Variants in SLC24A2 observed in about 807,000 individuals in gnomAD.
SLC24A2 encodes solute carrier family 24 member 2, also known as sodium/potassium/calcium exchanger 2.
SLC24A2 carries 36 observed loss-of-function variants against 62.0 expected under a neutral mutation model. The ratio of observed to expected loss-of-function variants is 0.58; its 90% confidence interval spans 0.44 to 0.77. The LOEUF (loss-of-function observed/expected upper bound fraction) is 0.77, where lower values mean the gene tolerates loss of function less well. Among genes scored for constraint, SLC24A2 ranks in the 30% least tolerant of loss-of-function variants. The pLI is 0.00. For synonymous variants in SLC24A2, 358 were observed against 294.0 expected, an observed-to-expected ratio of 1.22 and a Z score of -2.23; for missense variants, 846 against 817.9, an observed-to-expected ratio of 1.03 and a Z score of -0.42.
At chr9:20,184,224 C>T in the SLC24A2 span, among the ~76,000 whole-genome samples, 1 of 152,288 alleles carries the variant, frequency 6.6e-6, no homozygotes, top group Admixed American at 6.5e-5. Flanking sequence ...GAGATATTAC[C>T]TCATACCTGT....
chr9:20,121,309 G>T, the SLC24A2 span, among the ~76,000 whole-genome samples: 1 of 151,558 alleles, frequency 6.6e-6, no homozygotes. Flanking sequence ...AATATAATGT[G>T]GTTTTCAGTG....
At chr9:19,718,458 A>ATTTTT (rs58736549) in intron 2 of SLC24A2, among the ~76,000 whole-genome samples, 2 of 99,796 alleles carry the variant, frequency 2.0e-5, no homozygotes. Context: ...ATGCCTGGCT[A>ATTTTT]TTTTTTTTTT....
At chr9:20,258,654 T>C in the SLC24A2 span, among the ~76,000 whole-genome samples, 9 of 152,176 alleles carry the variant, frequency 5.9e-5, no homozygotes. Context: ...AATTTCACCA[T>C]GAAGCCACGC....
chr9:20,294,523 C>T, the SLC24A2 span, among the ~76,000 whole-genome samples: 1 of 152,122 alleles, frequency 6.6e-6, no homozygotes, highest in Admixed American at 6.5e-5. Flanking sequence ...TCCCTCAAAG[C>T]CCCAGTTCTT....
upstream of SLC24A2, among the ~76,000 whole-genome samples, chr9:19,791,685 G>C (rs901987611): frequency 4.6e-5 from 7 of 152,184 alleles, no homozygotes; most frequent in Non-Finnish European, 1.0e-4. Flanking sequence ...ACAACTGTAG[G>C]TCTCCCAGAT....
At chr9:19,953,014 T>C in the SLC24A2 span, among the ~76,000 whole-genome samples, 1 of 152,018 alleles carries the variant, frequency 6.6e-6, no homozygotes, top group African/African-American at 2.4e-5. Context: ...GATCAAATAC[T>C]TGGGTCATTT....
At chr9:20,047,546 A>G in the SLC24A2 span, among the ~76,000 whole-genome samples, 3 of 146,358 alleles carry the variant, frequency 2.0e-5, no homozygotes, top group Non-Finnish European at 4.6e-5. Flanking sequence ...TGAAGGCTGG[A>G]AAGTCCAAGA....
the SLC24A2 span, among the ~76,000 whole-genome samples, chr9:20,106,030 C>T: frequency 1.3e-5 from 2 of 152,246 alleles, no homozygotes; most frequent in South Asian, 4.1e-4. Flanking sequence ...CCACTGATCC[C>T]ACAGAAATAC....
At chr9:19,595,648 T>C (rs1403607799) in intron 5 of SLC24A2, among the ~76,000 whole-genome samples, 1 of 151,970 alleles carries the variant, frequency 6.6e-6, no homozygotes, top group African/African-American at 2.4e-5. Context: ...AATTGTCTGG[T>C]GTAGGGAGGA....
At chr9:20,274,498 G>A in the SLC24A2 span, among the ~76,000 whole-genome samples, 1 of 152,094 alleles carries the variant, frequency 6.6e-6, no homozygotes, top group South Asian at 2.1e-4. Context: ...CTTTTGAGGT[G>A]CAAGGGAAAA....
At chr9:19,920,626 T>C in the SLC24A2 span, among the ~76,000 whole-genome samples, 163 of 152,226 alleles carry the variant, frequency 1.1e-3, 1 homozygote, top group African/African-American at 3.8e-3. Flanking sequence ...AGTGAGCTGG[T>C]ATTTATCTGC....
the SLC24A2 span, among the ~76,000 whole-genome samples, chr9:19,949,574 T>C: frequency 6.6e-6 from 1 of 152,240 alleles, no homozygotes; most frequent in African/African-American, 2.4e-5. Context: ...GAGTTTTATC[T>C]GAGTGGCTGT....
chr9:20,043,660 T>C, the SLC24A2 span, among the ~76,000 whole-genome samples: 4 of 152,286 alleles, frequency 2.6e-5, no homozygotes, highest in South Asian at 4.1e-4. Flanking sequence ...GAACTTGAAT[T>C]AGAAGTGAAA....
intron 8 of SLC24A2, among the ~76,000 whole-genome samples, chr9:19,529,374 A>G (rs1486820924): frequency 6.6e-6 from 1 of 152,212 alleles, no homozygotes; most frequent in Non-Finnish European, 1.5e-5. Flanking sequence ...TGATGAACAC[A>G]GTCTCTATTG....
Position 19,551,979 on chromosome 9 carries a change from A to T in SLC24A2, c.1348-1711T>A, listed in dbSNP as rs185732063. Among the ~76,000 whole-genome samples, 545 of 152,326 alleles carry T rather than the reference A, an allele frequency of 3.6e-3. 2 individuals carry two copies. The highest frequency in any genetic ancestry group is 5.5e-3 in the Non-Finnish European group (373 of 68,028). On this transcript the variant is annotated intron_variant, in intron 7 of 10. Coordinates refer to ENST00000341998, the MANE Select transcript of SLC24A2 (RefSeq NM_020344.4). ...GGGTATATGTCCTTGGCAGTGGGTA[A>T]AAGAATTTGTAAACAGCAAATATGG...
chr9:20,187,930 T>G, the SLC24A2 span, among the ~76,000 whole-genome samples: 12 of 152,220 alleles, frequency 7.9e-5, no homozygotes, highest in Admixed American at 7.9e-4. Flanking sequence ...CATGAAAATG[T>G]GGAAAGTCTG....
At chr9:19,596,310 C>T (rs147937412) in intron 5 of SLC24A2, among the ~76,000 whole-genome samples, 109 of 152,322 alleles carry the variant, frequency 7.2e-4, no homozygotes, top group Non-Finnish European at 1.2e-3. Flanking sequence ...ACTGATTCCT[C>T]TGTGAGGGTA....
the SLC24A2 span, among the ~76,000 whole-genome samples, chr9:20,043,594 G>C: frequency 6.6e-6 from 1 of 152,336 alleles, no homozygotes; most frequent in East Asian, 1.9e-4. Context: ...AGATGACCTT[G>C]AGAGGTTTAA....
At chr9:19,959,235 C>T in the SLC24A2 span, among the ~76,000 whole-genome samples, 3 of 152,136 alleles carry the variant, frequency 2.0e-5, no homozygotes, top group African/African-American at 7.2e-5. Context: ...GAAGAAAAGA[C>T]AATGTACAAA....
Sources: allele counts gnomAD v4.1 joint callset (sites outside exome capture counted in the v4.1 genomes callset), GRCh38; gene constraint gnomAD v4.1.1; transcripts MANE v1.5; gene names NCBI Gene and HGNC (gene_info 2026-07-23, HGNC 2026-07-21).